Variants in PCMTD1 observed in about 807,000 individuals in gnomAD.
The protein encoded by PCMTD1 is protein-L-isoaspartate O-methyltransferase domain-containing protein 1.
A neutral mutation model predicts 37.6 loss-of-function variants in PCMTD1; 12 were observed. The observed-to-expected ratio is 0.32, with a 90% confidence interval of 0.20 to 0.52. PCMTD1 has a LOEUF of 0.52. Among genes scored for constraint, PCMTD1 ranks in the 20% least tolerant of loss-of-function variants. The pLI is 0.97. For synonymous variants in PCMTD1, 117 were observed against 135.8 expected (o/e 0.86, Z 0.96); for missense variants, 235 against 421.3 (o/e 0.56, Z 3.87).
At chr8:51,839,979 G>C (rs2038122642) in intron 3 of PCMTD1, among the ~76,000 whole-genome samples, 1 of 152,136 alleles carries the variant, frequency 6.6e-6, no homozygotes, top group Non-Finnish European at 1.5e-5. Context: ...TTAAACTCTT[G>C]ATCTCCAGAT....
intron 2 of PCMTD1, among the ~76,000 whole-genome samples, chr8:51,857,919 T>C (rs1295869538): frequency 2.0e-5 from 3 of 152,112 alleles, no homozygotes; most frequent in Admixed American, 2.0e-4. Flanking sequence ...TTGAGCCCAG[T>C]AGGTCGAAGC....
intron 1 of PCMTD1, among the ~76,000 whole-genome samples, chr8:51,865,551 T>C (rs972844847): frequency 2.0e-5 from 3 of 152,092 alleles, no homozygotes; most frequent in South Asian, 2.1e-4. Context: ...GGATGTACCA[T>C]ATTAACAGAA....
chr8:51,849,790 G>A (rs1253847826), intron 2 of PCMTD1: 1 of 371,716 alleles, frequency 2.7e-6, no homozygotes, highest in African/African-American at 2.1e-5. Context: ...TAATTATTAG[G>A]TTTAGGCATC....
chr8:51,827,026 C>T lies in PCMTD1; in HGVS notation c.706+4418G>A, dbSNP rs955624481. 7.2e-6 allele frequency: 7 copies of T among 967,594 alleles called. No homozygotes were observed. In the African/African-American group the frequency reaches 8.8e-5, roughly 12 times the overall value. The allele number at this position is 967,594 out of a possible 1,614,324, so 59.9% of individuals were successfully genotyped here. Reference sequence around the variant, plus strand: ...ATATTATTTTTGGGATTTTTGGAGTCGCGTTCTTTCATATTTTAATTTCCT... The same window carrying T: ...ATATTATTTTTGGGATTTTTGGAGTTGCGTTCTTTCATATTTTAATTTCCT... On this transcript the variant is annotated intron_variant, in intron 5 of 5. Coordinates refer to ENST00000522514, the MANE Select transcript of PCMTD1 (RefSeq NM_052937.4).
chr8:51,831,704 T>C (rs1284720344), intron 4 of PCMTD1, 137 bp from the exon 5 acceptor site: 1 of 761,712 alleles, frequency 1.3e-6, no homozygotes, highest in African/African-American at 1.8e-5. Flanking sequence ...GTGACCAAAT[T>C]AATTCCATTT....
intron 1 of PCMTD1, among the ~76,000 whole-genome samples, chr8:51,886,616 A>G (rs907727857): frequency 6.6e-6 from 1 of 152,122 alleles, no homozygotes; most frequent in African/African-American, 2.4e-5. Flanking sequence ...ACTCAATGCC[A>G]CCCCCATTTA....
chr8:51,832,395 T>G (rs2038010516), intron 4 of PCMTD1, among the ~76,000 whole-genome samples: 1 of 152,214 alleles, frequency 6.6e-6, no homozygotes, highest in Non-Finnish European at 1.5e-5. Context: ...GACAAATGAC[T>G]TGCTACAGAG....
intron 1 of PCMTD1, among the ~76,000 whole-genome samples, chr8:51,884,258 G>A (rs2038833299): frequency 6.6e-6 from 1 of 152,152 alleles, no homozygotes; most frequent in Non-Finnish European, 1.5e-5. Flanking sequence ...GTAAAAACAA[G>A]CAGTGCCTAA....
intron 5 of PCMTD1, among the ~76,000 whole-genome samples, chr8:51,826,475 C>G (rs1284970572): frequency 6.6e-6 from 1 of 152,074 alleles, no homozygotes; most frequent in Non-Finnish European, 1.5e-5. Flanking sequence ...ACCTATGTAA[C>G]AAAACTGCAC....
intron 5 of PCMTD1, among the ~76,000 whole-genome samples, chr8:51,823,487 C>A (rs1324821779): frequency 6.6e-6 from 1 of 152,036 alleles, no homozygotes; most frequent in Non-Finnish European, 1.5e-5. Flanking sequence ...AAAAAAAGTT[C>A]TTTTGAATGA....
At position 51,861,154 on chromosome 8, in the gene PCMTD1, T is replaced by C. The variant is rs1563351272; in HGVS notation, c.-3A>G. ...CCAGCACTCACAGCTCCTCCCATGA[T>C]AGTATTCAAATCAAATCATAAATTT... On this transcript the variant is annotated 5_prime_UTR_variant, in exon 2 of 6. Transcript: ENST00000522514. The C allele has an allele frequency of 6.3e-7, 1 of 1,598,062 alleles. No individual in the cohort carries two copies. Among genetic ancestry groups the C allele is most frequent in the Non-Finnish European group, 8.5e-7 (1 of 1,170,198 alleles).
At chr8:51,842,670 G>A (rs1004106184) in intron 3 of PCMTD1, among the ~76,000 whole-genome samples, 4 of 151,956 alleles carry the variant, frequency 2.6e-5, no homozygotes, top group South Asian at 2.1e-4. Context: ...ATATTCTAAT[G>A]CAGATTAGCA....
chr8:51,890,508 T>C (rs992681818), intron 1 of PCMTD1, among the ~76,000 whole-genome samples: 1 of 152,210 alleles, frequency 6.6e-6, no homozygotes, highest in Non-Finnish European at 1.5e-5. Flanking sequence ...AAACCATCCT[T>C]CTAAAACAAA....
intron 3 of PCMTD1, among the ~76,000 whole-genome samples, chr8:51,844,648 G>A (rs1476570074): frequency 6.6e-6 from 1 of 152,110 alleles, no homozygotes; most frequent in African/African-American, 2.4e-5. Flanking sequence ...AGGAAGGGGA[G>A]GAAGGGCAAA....
At chr8:51,857,568 C>T (rs1229482205) in intron 2 of PCMTD1, among the ~76,000 whole-genome samples, 2 of 152,090 alleles carry the variant, frequency 1.3e-5, no homozygotes, top group Middle Eastern at 3.2e-3. Flanking sequence ...GCTTTATTTG[C>T]ATCCTGTTTT....
chr8:51,862,907 T>C (rs2038494255), intron 1 of PCMTD1, among the ~76,000 whole-genome samples: 2 of 152,200 alleles, frequency 1.3e-5, no homozygotes, highest in South Asian at 2.1e-4. Context: ...ACAGCACCCT[T>C]CTCCTCAATG....
chr8:51,828,101 G>C (rs1318606863), intron 5 of PCMTD1, among the ~76,000 whole-genome samples: 1 of 152,164 alleles, frequency 6.6e-6, no homozygotes, highest in Non-Finnish European at 1.5e-5. Context: ...AGAATTCTGA[G>C]ATTTTAACAG....
chr8:51,832,379 A>G (rs113345036), intron 4 of PCMTD1, among the ~76,000 whole-genome samples: 3 of 152,196 alleles, frequency 2.0e-5, no homozygotes, highest in African/African-American at 7.2e-5. Flanking sequence ...TGCCTTTTTA[A>G]TATCTGACAA....
intron 5 of PCMTD1, among the ~76,000 whole-genome samples, chr8:51,829,145 G>GTA (rs1441668290): frequency 2.0e-5 from 3 of 152,172 alleles, no homozygotes; most frequent in Non-Finnish European, 2.9e-5. Flanking sequence ...TGAGATCACA[G>GTA]TAAGAGCACA....
Sources: gnomAD v4.1 joint callset for allele counts (sites outside exome capture counted in the v4.1 genomes callset) on GRCh38, gnomAD v4.1.1 for gene constraint, MANE v1.5 for transcripts, NCBI Gene and HGNC (gene_info 2026-07-23, HGNC 2026-07-21) for gene names.